The following SGCZ variants were observed in gnomAD, a reference collection of about 807,000 sequenced individuals.
The protein encoded by SGCZ is zeta-sarcoglycan.
A neutral mutation model predicts 41.3 loss-of-function variants in SGCZ; 40 were observed. That is an observed-to-expected ratio of 0.97 (90% CI 0.75 to 1.26). SGCZ has a LOEUF of 1.26. SGCZ is among the 50% of genes most tolerant of loss of function. SGCZ has a pLI of 0.00. For synonymous variants in SGCZ, 206 were observed against 137.5 expected (o/e 1.50, Z -3.49); for missense variants, 552 against 369.8 (o/e 1.49, Z -4.04).
chr8:14,699,566 G>A lies in SGCZ; in HGVS notation c.40-144640C>T, dbSNP rs182672000. Among the ~76,000 whole-genome samples the A allele has an allele frequency of 2.1e-3, 320 of 151,864 alleles. 2 individuals carry two copies. Among genetic ancestry groups the A allele is most frequent in the African/African-American group, 7.5e-3 (313 of 41,482 alleles). Reference sequence around the variant, plus strand: ...CTGGACATCGACCTTGGCAAAAAATGTATGGCTACATTTCCAAAAGCAATT... The same window carrying A: ...CTGGACATCGACCTTGGCAAAAAATATATGGCTACATTTCCAAAAGCAATT... On this transcript the variant is annotated intron_variant, in intron 1 of 7. Transcript: ENST00000382080.
At chr8:14,628,961 C>T (rs948693420) in intron 1 of SGCZ, among the ~76,000 whole-genome samples, 10 of 152,108 alleles carry the variant, frequency 6.6e-5, no homozygotes, top group Admixed American at 1.3e-4. Flanking sequence ...ATTTCTGAGT[C>T]GTAATCAATT....
At chr8:14,202,511 A>G (rs554247282) in intron 4 of SGCZ, among the ~76,000 whole-genome samples, 1 of 152,140 alleles carries the variant, frequency 6.6e-6, no homozygotes, top group South Asian at 2.1e-4. Flanking sequence ...AAAAATGAGA[A>G]AACTATTCAT....
chr8:14,367,626 T>G (rs1048325628), intron 2 of SGCZ, among the ~76,000 whole-genome samples: 11 of 152,058 alleles, frequency 7.2e-5, no homozygotes, highest in African/African-American at 2.7e-4. Flanking sequence ...TCTTCCATGA[T>G]GGTAGGTGGG....
chr8:15,111,684 G>T (rs565008173), intron 1 of SGCZ, among the ~76,000 whole-genome samples: 1 of 152,188 alleles, frequency 6.6e-6, no homozygotes, highest in African/African-American at 2.4e-5. Flanking sequence ...GGCGGATCAC[G>T]AGGTCAAGAG....
chr8:14,473,430 C>A (rs1801267482), intron 2 of SGCZ, among the ~76,000 whole-genome samples: 1 of 152,040 alleles, frequency 6.6e-6, no homozygotes, highest in Non-Finnish European at 1.5e-5. Context: ...GAATTTTTCA[C>A]CATCAACCCT....
intron 1 of SGCZ, among the ~76,000 whole-genome samples, chr8:15,190,745 T>C (rs530889707): frequency 6.6e-6 from 1 of 151,808 alleles, no homozygotes; most frequent in African/African-American, 2.4e-5. Context: ...AAACTTGTTT[T>C]GGAGCCAAAA....
chr8:14,507,848 C>T (rs987666273), intron 2 of SGCZ, among the ~76,000 whole-genome samples: 11 of 151,250 alleles, frequency 7.3e-5, no homozygotes, highest in Admixed American at 1.3e-4. Flanking sequence ...CTCAGCTTAC[C>T]GCAATCTCTG....
intron 1 of SGCZ, among the ~76,000 whole-genome samples, chr8:15,124,408 C>CTGA (rs1807599557): frequency 6.6e-6 from 1 of 152,088 alleles, no homozygotes. Flanking sequence ...TCATTGCAAC[C>CTGA]TGATGATGGG....
chr8:15,062,834 G>T (rs1252162441), intron 1 of SGCZ, among the ~76,000 whole-genome samples: 1 of 152,100 alleles, frequency 6.6e-6, no homozygotes, highest in Middle Eastern at 3.4e-3. Flanking sequence ...AATCGATTTG[G>T]CTCCTTTTAG....
intron 1 of SGCZ, among the ~76,000 whole-genome samples, chr8:14,744,244 G>A (rs988537316): frequency 9.2e-5 from 14 of 152,142 alleles, no homozygotes; most frequent in South Asian, 2.1e-4. Context: ...GCTGAGCTAC[G>A]TGCACTGCAC....
chr8:15,001,200 CGA>C (rs147906268), intron 1 of SGCZ, among the ~76,000 whole-genome samples: 1 of 151,780 alleles, frequency 6.6e-6, no homozygotes, highest in Non-Finnish European at 1.5e-5. Context: ...GCAATTTTGA[CGA>C]GAGAGAGAGA....
chr8:14,338,793 G>T (rs1802591449), intron 2 of SGCZ, among the ~76,000 whole-genome samples: 2 of 151,992 alleles, frequency 1.3e-5, no homozygotes, highest in Admixed American at 1.3e-4. Context: ...TTGCCAATTT[G>T]AAAATTCAAG....
At chr8:15,134,314 T>G (rs577599802) in intron 1 of SGCZ, among the ~76,000 whole-genome samples, 80 of 142,668 alleles carry the variant, frequency 5.6e-4, no homozygotes, top group Non-Finnish European at 8.7e-4. Context: ...CTTTTTTTTT[T>G]TTGTTTCTTT....
rs1409197397 is a variant in SGCZ, at chr8:14,223,544, A to AT, written c.424+14047dup. Among the ~76,000 whole-genome samples the AT allele has an allele frequency of 1.5e-4, 13 of 86,780 alleles. No individual in the cohort carries two copies. The South Asian group carries it at 3.1e-3, about 21-fold the overall frequency. The allele number at this position is 86,780 out of a possible 152,430, so 56.9% of individuals were successfully genotyped here. On this transcript the variant is annotated intron_variant, in intron 4 of 7. Coordinates refer to ENST00000382080, the MANE Select transcript of SGCZ (RefSeq NM_139167.4). ...CAGTCACATCTAGACCAATATATAT[A>AT]TATATTTTAACAGAATTAGTGAGCT...
chr8:14,638,389 A>G (rs73521673), intron 1 of SGCZ, among the ~76,000 whole-genome samples: 1,567 of 151,956 alleles, frequency 0.01, 30 homozygotes, highest in African/African-American at 0.036. Context: ...TTGCTCACAA[A>G]TTGGAATACA....
At chr8:14,814,183 A>G (rs1174867275) in intron 1 of SGCZ, among the ~76,000 whole-genome samples, 1 of 152,170 alleles carries the variant, frequency 6.6e-6, no homozygotes, top group East Asian at 1.9e-4. Context: ...GAATAAATAA[A>G]TATTTATGTT....
chr8:15,194,202 CA>C (rs1800638708), intron 1 of SGCZ, among the ~76,000 whole-genome samples: 2 of 151,462 alleles, frequency 1.3e-5, no homozygotes, highest in Non-Finnish European at 3.0e-5. Flanking sequence ...CACACACACA[CA>C]CACACACACA....
At chr8:14,799,082 T>C (rs1801229545) in intron 1 of SGCZ, among the ~76,000 whole-genome samples, 1 of 151,936 alleles carries the variant, frequency 6.6e-6, no homozygotes. Context: ...TTTATGTAAA[T>C]ATTAAATTAA....
At chr8:14,525,610 A>G (rs1802922817) in intron 2 of SGCZ, among the ~76,000 whole-genome samples, 2 of 152,128 alleles carry the variant, frequency 1.3e-5, no homozygotes, top group South Asian at 4.1e-4. Context: ...ACCTCCACTC[A>G]TATATACTTC....
Sources: allele counts gnomAD v4.1 joint callset (sites outside exome capture counted in the v4.1 genomes callset), GRCh38; gene constraint gnomAD v4.1.1; transcripts MANE v1.5; gene names NCBI Gene and HGNC (gene_info 2026-07-23, HGNC 2026-07-21).